The following LRP12 variants were observed in gnomAD, a reference collection of about 807,000 sequenced individuals.
LRP12 encodes the protein low-density lipoprotein receptor-related protein 12.
LRP12 carries 14 observed loss-of-function variants against 66.0 expected under a neutral mutation model. The observed-to-expected ratio is 0.21, with a 90% CI of 0.14 to 0.33. The LOEUF is 0.33. LRP12 is among the 10% of genes least tolerant of loss of function. The pLI is 1.00. For missense variants in LRP12, 889 were observed against 1,053.4 expected, an observed-to-expected ratio of 0.84 and a Z score of 2.16; for synonymous variants, 357 against 359.1, an observed-to-expected ratio of 0.99 and a Z score of 0.07.
rs1489672716 is a variant in LRP12, at chr8:104,588,957, G to A, written c.-60C>T. On this transcript the variant is annotated 5_prime_UTR_variant, in exon 1 of 7. Transcript: ENST00000276654. Reference sequence around the variant, plus strand: ...GAGGAGGAGGGAGGAGAAGCTGGAGGTAGACGACGCCGACGCCGCCGCCGC... The same window carrying A: ...GAGGAGGAGGGAGGAGAAGCTGGAGATAGACGACGCCGACGCCGCCGCCGC... 13 of 1,273,964 alleles carry A rather than the reference G, an allele frequency of 1.0e-5. No individual in the cohort carries two copies. The Admixed American group carries it at 2.8e-4, about 28-fold the overall frequency. The allele number at this position is 1,273,964 out of a possible 1,614,324, so 78.9% of individuals were successfully genotyped here. A position where few individuals can be genotyped will look rare whatever the true frequency, so the allele number is the denominator to read the frequency against.
chr8:104,548,087 TA>T (rs1365659744), intron 1 of LRP12, among the ~76,000 whole-genome samples: 1 of 118,754 alleles, frequency 8.4e-6, no homozygotes, highest in Admixed American at 1.1e-4. Flanking sequence ...TGTTATATTA[TA>T]TTTTGTATAT....
intron 1 of LRP12, among the ~76,000 whole-genome samples, chr8:104,548,563 AATT>A (rs547570767): frequency 2.8e-4 from 35 of 123,286 alleles, no homozygotes; most frequent in Middle Eastern, 3.9e-3. Flanking sequence ...TATGATATAG[AATT>A]ATAATTCTAT....
At chr8:104,583,741 ATTTC>A (rs1812289928) in intron 1 of LRP12, among the ~76,000 whole-genome samples, 2 of 152,204 alleles carry the variant, frequency 1.3e-5, no homozygotes, top group Admixed American at 1.3e-4. Flanking sequence ...AAGTCACAAT[ATTTC>A]TGTGTTTCAA....
intron 2 of LRP12, among the ~76,000 whole-genome samples, chr8:104,520,859 A>G (rs1310628105): frequency 6.6e-6 from 1 of 152,094 alleles, no homozygotes; most frequent in Non-Finnish European, 1.5e-5. Flanking sequence ...AGTTATTCCC[A>G]AAGTTACAGA....
At chr8:104,552,122 G>C (rs938061338) in intron 1 of LRP12, among the ~76,000 whole-genome samples, 1 of 152,174 alleles carries the variant, frequency 6.6e-6, no homozygotes, top group Non-Finnish European at 1.5e-5. Context: ...CCTTGAATTA[G>C]AGAGAAATTT....
At chr8:104,555,774 G>A (rs950742228) in intron 1 of LRP12, among the ~76,000 whole-genome samples, 3 of 151,962 alleles carry the variant, frequency 2.0e-5, no homozygotes, top group African/African-American at 7.3e-5. Context: ...AGTCAACAAA[G>A]AAACAATGGA....
chr8:104,535,025 TA>T (rs35159534), intron 1 of LRP12, among the ~76,000 whole-genome samples: 2,185 of 131,430 alleles, frequency 0.017, 8 homozygotes, highest in Middle Eastern at 0.023. Context: ...TAGCAAATAC[TA>T]AAAAAAAAAA....
intron 2 of LRP12, among the ~76,000 whole-genome samples, chr8:104,523,556 A>G (rs1564135294): frequency 6.6e-6 from 1 of 152,170 alleles, no homozygotes; most frequent in Non-Finnish European, 1.5e-5. Context: ...GTGTGATGCT[A>G]ATCATCTCCA....
chr8:104,542,498 T>C (rs1286267852), intron 1 of LRP12, among the ~76,000 whole-genome samples: 1 of 152,194 alleles, frequency 6.6e-6, no homozygotes, highest in Non-Finnish European at 1.5e-5. Flanking sequence ...TGTTTTTAAT[T>C]TTCAGGACAG....
chr8:104,546,271 C>A (rs1811554820), intron 1 of LRP12, among the ~76,000 whole-genome samples: 1 of 151,972 alleles, frequency 6.6e-6, no homozygotes, highest in Admixed American at 6.6e-5. Flanking sequence ...AACTTATATG[C>A]AAAAAATCCA....
intron 2 of LRP12, among the ~76,000 whole-genome samples, chr8:104,528,071 T>C (rs1357306548): frequency 6.6e-6 from 1 of 152,152 alleles, no homozygotes; most frequent in Admixed American, 6.5e-5. Flanking sequence ...GCAGCATAAT[T>C]AAAAATAATA....
rs971337273 is a variant in LRP12, at chr8:104,548,558, T to C, written c.80-16595A>G. Among the ~76,000 whole-genome samples, 10 of 128,510 alleles carry C rather than the reference T, an allele frequency of 7.8e-5. 1 individual carries two copies. Among genetic ancestry groups the C allele is most frequent in the African/African-American group, 1.9e-4 (6 of 31,004 alleles). The allele number at this position is 128,510 out of a possible 152,430, so 84.3% of individuals were successfully genotyped here. On this transcript the variant is annotated intron_variant, in intron 1 of 6. Transcript: ENST00000276654. ...ATTCTATGTTATATTTTGTATATGATATAGAATTATAATTCTATATTATAT... is the reference window on the plus strand; with the variant it reads ...ATTCTATGTTATATTTTGTATATGACATAGAATTATAATTCTATATTATAT...
chr8:104,526,237 A>G (rs76820893), intron 2 of LRP12, among the ~76,000 whole-genome samples: 10,251 of 151,602 alleles, frequency 0.068, 388 homozygotes, highest in South Asian at 0.077. Flanking sequence ...AATCAATATC[A>G]TGAAAATGGC....
intron 1 of LRP12, among the ~76,000 whole-genome samples, chr8:104,546,976 C>A (rs1041388002): frequency 1.4e-5 from 2 of 138,100 alleles, no homozygotes; most frequent in African/African-American, 5.6e-5. Flanking sequence ...ATATATAATT[C>A]TATACATTTT....
chr8:104,558,530 C>T lies in LRP12; in HGVS notation c.80-26567G>A, dbSNP rs371436860. ...AGAAGATAACATTTGAAAAACCCTT[C>T]CAGACACTGGCTTAGGCAAAGACTT... On this transcript the variant is annotated intron_variant, in intron 1 of 6. Coordinates refer to ENST00000276654, the MANE Select transcript of LRP12 (RefSeq NM_013437.5). 3.9e-5 allele frequency among the ~76,000 whole-genome samples: 6 copies of T among 152,214 alleles called. 1 individual carries two copies. In the East Asian group the frequency reaches 7.7e-4, roughly 20 times the overall value.
At chr8:104,506,223 T>C (rs1409943670) in intron 3 of LRP12, 4 of 152,208 alleles carry the variant, frequency 2.6e-5, no homozygotes, top group East Asian at 3.8e-4. Flanking sequence ...TTAATGAATT[T>C]AAACACATTA....
In LRP12 at chr8:104,491,270, T is replaced by C. The variant is rs1299871839; in HGVS notation, c.1983A>G (p.Arg661=). The change falls in exon 7 of 7, where the codon AGA becomes AGG. Residue 661 remains arginine (R), a synonymous_variant. Transcript: ENST00000276654. ...CACCAGATGCTCCTGCCATATCTCTTCTCTCATTTTCTGTGTCTGTATCAT... is the reference window on the plus strand; with the variant it reads ...CACCAGATGCTCCTGCCATATCTCTCCTCTCATTTTCTGTGTCTGTATCAT... ...ESDDTDTENE[R]RDMAGASGGV... 1 of 1,614,064 alleles carries C rather than the reference T, an allele frequency of 6.2e-7. No individual in the cohort carries two copies. The highest frequency in any genetic ancestry group is 8.5e-7 in the Non-Finnish European group (1 of 1,180,016).
chr8:104,522,240 C>T (rs1484780918), intron 2 of LRP12, among the ~76,000 whole-genome samples: 5 of 151,924 alleles, frequency 3.3e-5, no homozygotes, highest in South Asian at 2.1e-4. Context: ...AAAATATGTC[C>T]CTATTTTAAA....
chr8:104,512,415 T>C (rs1437372265), intron 2 of LRP12, among the ~76,000 whole-genome samples: 1 of 152,102 alleles, frequency 6.6e-6, no homozygotes, highest in African/African-American at 2.4e-5. Context: ...AAAACAATCA[T>C]CACCCTTTCC....
Sources: allele counts gnomAD v4.1 joint callset (sites outside exome capture counted in the v4.1 genomes callset), GRCh38; gene constraint gnomAD v4.1.1; transcripts MANE v1.5; gene names NCBI Gene and HGNC (gene_info 2026-07-23, HGNC 2026-07-21).